Variants in PRIMPOL observed in about 807,000 individuals in gnomAD.
The protein encoded by PRIMPOL is primase and DNA directed polymerase, also known as DNA-directed primase/polymerase protein.
Under a neutral mutation model 63.6 loss-of-function variants are expected in PRIMPOL, and 54 were observed. That is an observed-to-expected ratio of 0.85 (90% confidence interval 0.68 to 1.07). The LOEUF is 1.07. PRIMPOL is among the 50% of genes least tolerant of loss of function. The pLI, the probability that PRIMPOL is intolerant of heterozygous loss-of-function variation, is 0.00. For missense variants in PRIMPOL, 610 were observed against 648.3 expected (o/e 0.94, Z 0.64); for synonymous variants, 197 against 220.2 (o/e 0.89, Z 0.93).
chr4:184,670,544 A>T (rs62339865), intron 6 of PRIMPOL, among the ~76,000 whole-genome samples: 1 of 143,168 alleles, frequency 7.0e-6, no homozygotes, highest in African/African-American at 2.7e-5. Context: ...GTAGGAAAGT[A>T]ATTTTTTTTT....
intron 11 of PRIMPOL, among the ~76,000 whole-genome samples, chr4:184,687,507 C>A (rs1171647294): frequency 1.3e-5 from 2 of 152,220 alleles, no homozygotes; most frequent in Non-Finnish European, 2.9e-5. Context: ...CTCTCCCTGG[C>A]CCTCAGAGAT....
intron 6 of PRIMPOL, among the ~76,000 whole-genome samples, chr4:184,669,707 A>C (rs964488846): frequency 1.3e-5 from 2 of 152,234 alleles, no homozygotes; most frequent in African/African-American, 4.8e-5. Context: ...AGTCAGAACA[A>C]CATAAGCAAA....
chr4:184,659,630 A>G (rs1426098296), intron 4 of PRIMPOL, among the ~76,000 whole-genome samples, 193 bp downstream of exon 4: 2 of 152,206 alleles, frequency 1.3e-5, no homozygotes, highest in African/African-American at 4.8e-5. Flanking sequence ...CTGGGAGAAA[A>G]TAATCATGCA....
At chr4:184,659,972 C>T (rs1747818991) in intron 4 of PRIMPOL, among the ~76,000 whole-genome samples, 1 of 152,028 alleles carries the variant, frequency 6.6e-6, no homozygotes. Flanking sequence ...AGGTGCCCAC[C>T]ACCATGCCTG....
intron 13 of PRIMPOL, among the ~76,000 whole-genome samples, chr4:184,692,599 C>T (rs896846757): frequency 6.6e-6 from 1 of 151,348 alleles, no homozygotes; most frequent in African/African-American, 2.4e-5. Context: ...CACGTACCTT[C>T]GAGAATTTAT....
intron 13 of PRIMPOL, among the ~76,000 whole-genome samples, chr4:184,692,030 T>G (rs910615623): frequency 1.3e-5 from 2 of 152,108 alleles, no homozygotes; most frequent in Admixed American, 1.3e-4. Flanking sequence ...TCTGTATCTG[T>G]AGGATGAATT....
chr4:184,660,660 A>C (rs1748078442), intron 4 of PRIMPOL, among the ~76,000 whole-genome samples: 2 of 152,372 alleles, frequency 1.3e-5, no homozygotes, highest in Admixed American at 1.3e-4. Context: ...AAAATCATTA[A>C]GACAATGTGA....
chr4:184,673,106 G>A (rs1752260020), intron 7 of PRIMPOL, among the ~76,000 whole-genome samples: 1 of 150,868 alleles, frequency 6.6e-6, no homozygotes, highest in African/African-American at 2.4e-5. Flanking sequence ...GATTTCAAAA[G>A]CCATGACAGC....
intron 4 of PRIMPOL, among the ~76,000 whole-genome samples, 158 bp downstream of exon 4, chr4:184,659,595 C>T (rs1023950482): frequency 5.9e-5 from 9 of 152,156 alleles, no homozygotes; most frequent in African/African-American, 2.2e-4. Context: ...CTTGTCATAG[C>T]AATGCTTGAG....
intron 8 of PRIMPOL, among the ~76,000 whole-genome samples, chr4:184,680,190 A>G (rs935671767): frequency 2.0e-5 from 1 of 49,296 alleles, no homozygotes; most frequent in African/African-American, 6.0e-5. Context: ...TTGCCTTTCT[A>G]AATATAATTT....
chr4:184,658,653 C>T (rs1747305470), intron 3 of PRIMPOL, among the ~76,000 whole-genome samples: 1 of 152,088 alleles, frequency 6.6e-6, no homozygotes, highest in African/African-American at 2.4e-5. Context: ...TGCCTGTAAT[C>T]CCAGCACTTT....
chr4:184,651,529 A>C (rs926342275), intron 1 of PRIMPOL, among the ~76,000 whole-genome samples: 1 of 152,176 alleles, frequency 6.6e-6, no homozygotes, highest in African/African-American at 2.4e-5. Context: ...AGTGTGGTTG[A>C]ACTAGTCCTT....
chr4:184,657,368 T>C (rs777536492), intron 3 of PRIMPOL, 48 bp downstream of exon 3: 8 of 1,301,906 alleles, frequency 6.1e-6, no homozygotes, highest in Admixed American at 2.6e-5. Context: ...CCACTTCCTC[T>C]TCTTTCTTCT....
At chr4:184,651,073 A>G (rs1237403572) in intron 1 of PRIMPOL, among the ~76,000 whole-genome samples, 2 of 152,090 alleles carry the variant, frequency 1.3e-5, no homozygotes, top group African/African-American at 4.8e-5. Context: ...GTGGATCACG[A>G]GGTCAGGAGT....
At chr4:184,651,497 A>C (rs1339539863) in intron 1 of PRIMPOL, among the ~76,000 whole-genome samples, 9 of 152,182 alleles carry the variant, frequency 5.9e-5, no homozygotes, top group Admixed American at 5.9e-4. Context: ...TCTGCAGAGC[A>C]GTAATTTGCA....
intron 7 of PRIMPOL, among the ~76,000 whole-genome samples, chr4:184,677,031 C>A (rs1579528327): frequency 1.2e-5 from 1 of 85,942 alleles, no homozygotes; most frequent in Middle Eastern, 4.5e-3. Context: ...TCCCTTCCCC[C>A]TTCCCTTCCC....
chr4:184,693,817 G>A (rs1219127529), intron 13 of PRIMPOL, among the ~76,000 whole-genome samples: 2 of 152,120 alleles, frequency 1.3e-5, no homozygotes, highest in Non-Finnish European at 2.9e-5. Context: ...ATTTAAGCAC[G>A]TAGCGGAAAG....
chr4:184,652,668 C>T (rs79075208), intron 2 of PRIMPOL, among the ~76,000 whole-genome samples: 3,935 of 152,022 alleles, frequency 0.026, 177 homozygotes, highest in African/African-American at 0.09. Context: ...AGAAATAGTA[C>T]GAATGCATTC....
chr4:184,669,647 G>A (rs954570122), intron 6 of PRIMPOL, among the ~76,000 whole-genome samples: 1 of 152,196 alleles, frequency 6.6e-6, no homozygotes, highest in African/African-American at 2.4e-5. Flanking sequence ...GCATTCATCT[G>A]GGCTTTCAGT....
Sources: allele counts gnomAD v4.1 joint callset (sites outside exome capture counted in the v4.1 genomes callset), GRCh38; gene constraint gnomAD v4.1.1; transcripts MANE v1.5; gene names NCBI Gene and HGNC (gene_info 2026-07-23, HGNC 2026-07-21).